The following RAB40B variants were observed in gnomAD, a reference collection of about 807,000 sequenced individuals.
The protein encoded by RAB40B is ras-related protein Rab-40B.
In RAB40B, 21 loss-of-function variants were observed where a neutral mutation model predicts 24.0. The ratio of observed to expected loss-of-function variants is 0.88; its 90% confidence interval spans 0.62 to 1.26. The LOEUF is 1.26. RAB40B is among the 50% of genes most tolerant of loss of function. The pLI, the probability that RAB40B is intolerant of heterozygous loss-of-function variation, is 0.00. For missense variants in RAB40B, 348 were observed against 390.5 expected, an observed-to-expected ratio of 0.89 and a Z score of 0.92; for synonymous variants, 167 against 169.8, an observed-to-expected ratio of 0.98 and a Z score of 0.13.
At chr17:82,685,950 CCCG>C (rs2143540542) in intron 1 of RAB40B, among the ~76,000 whole-genome samples, 1 of 152,008 alleles carries the variant, frequency 6.6e-6, no homozygotes, top group African/African-American at 2.4e-5. Flanking sequence ...ATTACAGGTG[CCCG>C]CCACCACACC....
rs551524906 is a variant in RAB40B at position 82,677,677 on chromosome 17, G to C, written c.143-13121C>G. ...ACCCGTCTCCAGGGCCAGCACCCAA[G>C]CGTTTGGGGTTTCCAGGCACAGGTG... is the stretch of plus-strand genomic sequence containing the variant. On this transcript the variant is annotated intron_variant, in intron 1 of 5. Transcript: ENST00000571995. 2.0e-5 allele frequency among the ~76,000 whole-genome samples: 3 copies of C among 152,316 alleles called. No individual in the cohort carries two copies. The South Asian group carries it at 6.2e-4, about 32-fold the overall frequency.
chr17:82,689,554 G>A (rs969246425), intron 1 of RAB40B, among the ~76,000 whole-genome samples: 6 of 152,216 alleles, frequency 3.9e-5, no homozygotes, highest in Non-Finnish European at 7.3e-5. Flanking sequence ...AGGTGGGGCC[G>A]AATTGAGGGC....
At chr17:82,689,157 G>A (rs1436973696) in intron 1 of RAB40B, among the ~76,000 whole-genome samples, 1 of 152,212 alleles carries the variant, frequency 6.6e-6, no homozygotes, top group African/African-American at 2.4e-5. Flanking sequence ...TGCCTCTGAC[G>A]CCCCTTGCCA....
At chr17:82,691,000 G>T (rs574315783) in intron 1 of RAB40B, among the ~76,000 whole-genome samples, 8 of 152,188 alleles carry the variant, frequency 5.3e-5, no homozygotes, top group African/African-American at 1.9e-4. Context: ...TCTGATGCTC[G>T]TCTCCGGGAA....
intron 1 of RAB40B, among the ~76,000 whole-genome samples, chr17:82,686,676 G>A (rs2046505614): frequency 6.6e-6 from 1 of 152,210 alleles, no homozygotes; most frequent in African/African-American, 2.4e-5. Flanking sequence ...CGTGGCCCAG[G>A]CAACACCTTC....
chr17:82,673,266 C>T (rs1355038952), intron 1 of RAB40B, among the ~76,000 whole-genome samples: 1 of 152,200 alleles, frequency 6.6e-6, no homozygotes, highest in Non-Finnish European at 1.5e-5. Flanking sequence ...TCAGTTTTCT[C>T]TGCATTTATT....
Position 82,663,215 on chromosome 17 carries a change from C to T in RAB40B, c.203+1281G>A, listed in dbSNP as rs1012873109. 1.3e-5 allele frequency among the ~76,000 whole-genome samples: 2 copies of T among 151,806 alleles called. No homozygotes were observed. Among genetic ancestry groups the T allele is most frequent in the African/African-American group, 4.8e-5 (2 of 41,304 alleles). On this transcript the variant is annotated intron_variant, in intron 2 of 5. Transcript: ENST00000571995. This position sits in a 1 kb window ranked among gnomAD's most constrained non-coding sequence, Gnocchi z 6.2. ...TTGGGGACACTGTGGAGACAGGCTC[C>T]CCAGGACTGGCCACTACTAGACGGG...
chr17:82,695,939 C>T (rs917253960), intron 1 of RAB40B, among the ~76,000 whole-genome samples: 2 of 151,866 alleles, frequency 1.3e-5, no homozygotes, highest in African/African-American at 2.4e-5. Context: ...TACAATGGTG[C>T]GATCTCTGCA....
chr17:82,664,023 G>A (rs1354915141), intron 2 of RAB40B, among the ~76,000 whole-genome samples: 6 of 144,916 alleles, frequency 4.1e-5, no homozygotes, highest in Non-Finnish European at 7.6e-5. Context: ...CTGTGCCAAC[G>A]GTGGTGGGGG....
In RAB40B at chr17:82,664,481, C is replaced by G; in HGVS notation, c.203+15G>C. On this transcript the variant is annotated intron_variant, in intron 2 of 5. Transcript: ENST00000571995. Reference sequence around the variant, plus strand: ...CCCTGGGGGTGCGGGACGCTCGCACCTCCTCCAGACTCACCAGAGCTGCAG... The same window carrying G: ...CCCTGGGGGTGCGGGACGCTCGCACGTCCTCCAGACTCACCAGAGCTGCAG... 6.2e-7 allele frequency: 1 copy of G among 1,611,830 alleles called. No homozygotes were observed.
At chr17:82,673,039 A>G (rs11867441) in intron 1 of RAB40B, among the ~76,000 whole-genome samples, 68,608 of 151,882 alleles carry the variant, frequency 0.45, 15,949 homozygotes, top group Middle Eastern at 0.55. Flanking sequence ...CCTCATCTCT[A>G]CTAAAAATAC....
chr17:82,687,248 T>C (rs1451907952), intron 1 of RAB40B, among the ~76,000 whole-genome samples: 5 of 152,254 alleles, frequency 3.3e-5, no homozygotes, highest in Non-Finnish European at 7.3e-5. Context: ...ATGAATTTTA[T>C]TAATCTAAGA....
chr17:82,658,440 C>A (rs2046114707), intron 5 of RAB40B, 51 bp downstream of exon 5: 1 of 1,592,812 alleles, frequency 6.3e-7, no homozygotes, highest in African/African-American at 1.3e-5. Flanking sequence ...CGCTGACCCA[C>A]CTCGGCATCT....
At chr17:82,685,512 C>T (rs1442638413) in intron 1 of RAB40B, among the ~76,000 whole-genome samples, 2 of 152,252 alleles carry the variant, frequency 1.3e-5, no homozygotes, top group South Asian at 2.1e-4. Flanking sequence ...AGCAGTGAAA[C>T]GCTCAGATGG....
chr17:82,657,952 T>C lies in RAB40B; in HGVS notation c.748A>G (p.Lys250Glu). The C allele has an allele frequency of 1.2e-6, 2 of 1,613,988 alleles. No individual in the cohort carries two copies. Among genetic ancestry groups the C allele is most frequent in the South Asian group, 1.1e-5 (1 of 91,070 alleles). The change falls in exon 6 of 6, where the codon AAA (lysine) becomes GAA (glutamate). Residue 250 changes from lysine (K) to glutamate (E), a missense_variant. This residue lies in a region of RAB40B where 121 missense variants were observed against 124.0 expected (regional missense o/e 0.98). Transcript: ENST00000571995. ...TTCACTTTGCGGAGGCTGCTCCTTT[T>C]GTGGGTGGAGCTGGTGGTGAGGGAG... ...SYSLTTSSTH[K>E]RSSLRKVKLV...
chr17:82,692,226 G>A lies in RAB40B; in HGVS notation c.142+6229C>T, dbSNP rs959309501. Reference sequence around the variant, plus strand: ...GGTGACAGGCAGAGCAGTGGGGCCCGCACGGTCCGTGGGCTGAGGTGACAG... The same window carrying A: ...GGTGACAGGCAGAGCAGTGGGGCCCACACGGTCCGTGGGCTGAGGTGACAG... On this transcript the variant is annotated intron_variant, in intron 1 of 5. Transcript: ENST00000571995. This position sits in a 1 kb window ranked among gnomAD's most constrained non-coding sequence, Gnocchi z 4.0. Among the ~76,000 whole-genome samples the A allele has an allele frequency of 7.4e-5, 11 of 147,666 alleles. No individual in the cohort carries two copies. The East Asian group carries it at 1.6e-3, about 22-fold the overall frequency.
Position 82,657,481 on chromosome 17 carries a change from C to A in RAB40B, c.*382G>T. 5.6e-6 allele frequency: 2 copies of A among 354,578 alleles called. No homozygotes were observed. The highest frequency in any genetic ancestry group is 2.2e-5 in the South Asian group (1 of 44,644). The allele number at this position is 354,578 out of a possible 1,614,324, so 22.0% of individuals were successfully genotyped here. ...GTAATATCAGTGACTCTAAATTATCCCGCTGCCATTGCTTCTCAAATTCCA... is the reference window on the plus strand; with the variant it reads ...GTAATATCAGTGACTCTAAATTATCACGCTGCCATTGCTTCTCAAATTCCA... On this transcript the variant is annotated 3_prime_UTR_variant, in exon 6 of 6. Transcript: ENST00000571995.
intron 1 of RAB40B, among the ~76,000 whole-genome samples, chr17:82,687,070 G>A (rs146241172): frequency 0.019 from 2,936 of 152,018 alleles, 49 homozygotes; most frequent in Middle Eastern, 0.051. Flanking sequence ...ACTCTTGTCT[G>A]TGGGCCCCCC....
At chr17:82,668,695 G>A (rs558682136) in intron 1 of RAB40B, among the ~76,000 whole-genome samples, 21 of 152,360 alleles carry the variant, frequency 1.4e-4, no homozygotes, top group Non-Finnish European at 2.1e-4. Flanking sequence ...GGCATTTGGA[G>A]CAGGCACTTC....
Sources: gnomAD v4.1 joint callset for allele counts (sites outside exome capture counted in the v4.1 genomes callset) on GRCh38, gnomAD v4.1.1 for gene constraint, gnomAD v4.1.1 regional missense constraint, Gnocchi (gnomAD v3.1) non-coding constraint, MANE v1.5 for transcripts, NCBI Gene and HGNC (gene_info 2026-07-23, HGNC 2026-07-21) for gene names.